Variants in KCNMA1 observed in about 807,000 individuals in gnomAD.
KCNMA1 encodes the protein Calcium-activated potassium channel subunit alpha-1.
Under a neutral mutation model 140.0 loss-of-function variants are expected in KCNMA1, and 29 were observed. The observed-to-expected ratio is 0.21, with a 90% confidence interval of 0.15 to 0.28. KCNMA1 has a LOEUF of 0.28. Ranked by LOEUF, KCNMA1 falls within the 10% of genes least tolerant of loss-of-function variation. The pLI is 1.00. For missense variants in KCNMA1, 880 were observed against 1,602.2 expected (o/e 0.55, Z 7.70); for synonymous variants, 612 against 611.9 (o/e 1.00, Z 0.00).
chr10:77,052,130 G>T (rs2095391868), intron 14 of KCNMA1, among the ~76,000 whole-genome samples: 2 of 152,140 alleles, frequency 1.3e-5, no homozygotes, highest in Admixed American at 1.3e-4. Flanking sequence ...GCTTCCTATT[G>T]CTTAGCTGCT....
chr10:77,214,263 C>T (rs1209316797), intron 3 of KCNMA1, among the ~76,000 whole-genome samples: 1 of 152,188 alleles, frequency 6.6e-6, no homozygotes, highest in Non-Finnish European at 1.5e-5. Flanking sequence ...TTCCTTCTCT[C>T]CTCCAACCTC....
chr10:77,466,439 G>T (rs1003784889), intron 1 of KCNMA1, among the ~76,000 whole-genome samples: 1 of 152,156 alleles, frequency 6.6e-6, no homozygotes. Flanking sequence ...CAACAAACAT[G>T]CATTGAGAAC....
chr10:77,184,131 T>C (rs189680776), intron 4 of KCNMA1, among the ~76,000 whole-genome samples: 7 of 152,084 alleles, frequency 4.6e-5, no homozygotes, highest in Admixed American at 4.6e-4. Context: ...CTTTCATTCA[T>C]ACTCACAACT....
intron 2 of KCNMA1, among the ~76,000 whole-genome samples, chr10:77,311,202 G>A (rs553914168): frequency 2.2e-4 from 33 of 152,312 alleles, no homozygotes; most frequent in African/African-American, 7.9e-4. Flanking sequence ...ACATTACCAA[G>A]CCTGCACAAC....
chr10:77,423,219 A>G (rs555487127), intron 1 of KCNMA1, among the ~76,000 whole-genome samples: 1 of 152,304 alleles, frequency 6.6e-6, no homozygotes, highest in Admixed American at 6.5e-5. Flanking sequence ...TTTACTCTTA[A>G]AAAAATGTCA....
chr10:77,272,650 A>ATG (rs144489222), intron 2 of KCNMA1, among the ~76,000 whole-genome samples: 18 of 149,622 alleles, frequency 1.2e-4, no homozygotes, highest in Non-Finnish European at 2.1e-4. Flanking sequence ...ATATATATAT[A>ATG]CACATGCATC....
intron 2 of KCNMA1, among the ~76,000 whole-genome samples, chr10:77,335,123 C>T (rs1365995302): frequency 6.6e-6 from 1 of 152,142 alleles, no homozygotes; most frequent in Admixed American, 6.5e-5. Flanking sequence ...TCTCCCCTTC[C>T]CTCCTTTTCC....
chr10:77,441,111 C>T (rs2097389294), intron 1 of KCNMA1, among the ~76,000 whole-genome samples: 1 of 152,080 alleles, frequency 6.6e-6, no homozygotes, highest in South Asian at 2.1e-4. Context: ...GCGTGAGCCA[C>T]CGCGCCCGGC....
chr10:76,895,049 T>C (rs1589766910), intron 25 of KCNMA1, among the ~76,000 whole-genome samples: 1 of 152,226 alleles, frequency 6.6e-6, no homozygotes. Flanking sequence ...ACTTAATCGG[T>C]TATGTTATCT....
At chr10:77,041,813 C>T (rs528337230) in intron 14 of KCNMA1, among the ~76,000 whole-genome samples, 44 of 152,258 alleles carry the variant, frequency 2.9e-4, no homozygotes, top group East Asian at 1.2e-3. Context: ...CTCTTTAGAA[C>T]GGCTTGTGCT....
intron 27 of KCNMA1, among the ~76,000 whole-genome samples, chr10:76,889,140 C>T (rs1191563443): frequency 6.6e-6 from 1 of 152,112 alleles, no homozygotes. Flanking sequence ...ATATTAGGTA[C>T]CAACAGATGT....
intron 3 of KCNMA1, among the ~76,000 whole-genome samples, chr10:77,242,901 C>CAT: frequency 2.2e-5 from 1 of 44,462 alleles, no homozygotes; most frequent in Admixed American, 2.9e-4. Context: ...TTGTTTCCTA[C>CAT]ACACACACAC....
chr10:77,026,908 G>A (rs1160826383), intron 16 of KCNMA1, among the ~76,000 whole-genome samples: 2 of 152,258 alleles, frequency 1.3e-5, no homozygotes, highest in East Asian at 3.9e-4. Context: ...GTCTTCCCCT[G>A]TACTCTGCTC....
Position 77,026,387 on chromosome 10 carries a change from C to T in KCNMA1, c.1928+1436G>A, listed in dbSNP as rs540989212. Among the ~76,000 whole-genome samples the T allele has an allele frequency of 1.2e-4, 19 of 152,298 alleles. No homozygotes were observed. In the South Asian group the frequency reaches 3.9e-3, roughly 32 times the overall value. ...AGTTACACAAAGATTTGCGATTTCGCAACACGGGGAATATCATTTGCAAAA... is the reference window on the plus strand; with the variant it reads ...AGTTACACAAAGATTTGCGATTTCGTAACACGGGGAATATCATTTGCAAAA... On this transcript the variant is annotated intron_variant, in intron 16 of 27. Transcript: ENST00000286628.
At chr10:77,364,801 A>T (rs954835399) in intron 2 of KCNMA1, among the ~76,000 whole-genome samples, 2 of 152,270 alleles carry the variant, frequency 1.3e-5, no homozygotes, top group Admixed American at 1.3e-4. Context: ...CTCCTCCTCC[A>T]CAGCAGAGGA....
At chr10:77,324,971 C>CTCTCTCTCTCTCTCTGTGTGTGTGTG (rs766240356) in intron 2 of KCNMA1, among the ~76,000 whole-genome samples, 1 of 90,374 alleles carries the variant, frequency 1.1e-5, no homozygotes, top group Non-Finnish European at 2.1e-5. Context: ...CTCTCTCTCT[C>CTCTCTCTCTCTCTCTGTGTGTGTGTG]TGTGTGTGTG....
At chr10:77,499,436 TACACACACACACACACACAC>T (rs10672811) in intron 1 of KCNMA1, among the ~76,000 whole-genome samples, 1 of 142,902 alleles carries the variant, frequency 7.0e-6, no homozygotes, top group Non-Finnish European at 1.5e-5. Flanking sequence ...CACACACACA[TACACACACACACACACACAC>T]ATATATATAT....
intron 19 of KCNMA1, among the ~76,000 whole-genome samples, chr10:76,991,275 T>C (rs115744176): frequency 0.069 from 10,548 of 152,256 alleles, 409 homozygotes; most frequent in Middle Eastern, 0.11. Flanking sequence ...GAGCAAATGC[T>C]CTATATGTGG....
intron 18 of KCNMA1, among the ~76,000 whole-genome samples, chr10:77,008,918 ATCT>A (rs758274621): frequency 5.9e-5 from 9 of 152,248 alleles, no homozygotes; most frequent in Non-Finnish European, 1.3e-4. Flanking sequence ...CAACTAAAAC[ATCT>A]TCTCCAATTT....
Sources: gnomAD v4.1 joint callset for allele counts (sites outside exome capture counted in the v4.1 genomes callset) on GRCh38, gnomAD v4.1.1 for gene constraint, MANE v1.5 for transcripts, NCBI Gene and HGNC (gene_info 2026-07-23, HGNC 2026-07-21) for gene names.